CSRP1: variants seen among roughly 807,000 people sequenced by gnomAD.
The protein encoded by CSRP1 is cysteine and glycine rich protein 1, also known as cysteine and glycine-rich protein 1.
CSRP1 carries 16 observed loss-of-function variants against 25.4 expected under a neutral mutation model. That is an observed-to-expected ratio of 0.63 (90% CI 0.43 to 0.96). The LOEUF is 0.96. Among genes scored for constraint, CSRP1 ranks in the 40% least tolerant of loss-of-function variants. The pLI, the probability that CSRP1 is intolerant of heterozygous loss-of-function variation, is 0.00. For synonymous variants in CSRP1, 97 were observed against 95.3 expected (o/e 1.02, Z -0.10); for missense variants, 212 against 243.6 (o/e 0.87, Z 0.86).
intron 1 of CSRP1, 164 bp from the exon 2 acceptor site, chr1:201,496,468 C>T (rs1664518762): frequency 1.6e-6 from 1 of 639,692 alleles, no homozygotes; most frequent in South Asian, 1.8e-5. Flanking sequence ...TAGCTCTCGA[C>T]AGCAGCCTCG....
rs1193433653 is a variant in CSRP1, at chr1:201,483,995, A to T, written c.*718T>A. On this transcript the variant is annotated 3_prime_UTR_variant, in exon 6 of 6. Coordinates refer to ENST00000340006, the MANE Select transcript of CSRP1 (RefSeq NM_004078.3). ...TATATGTTTCAGGTATTTCATTAGGATCCTCCCATCAAGCAGGGAACTAGA... is the reference window on the plus strand; with the variant it reads ...TATATGTTTCAGGTATTTCATTAGGTTCCTCCCATCAAGCAGGGAACTAGA... 6 of 696,250 alleles carry T rather than the reference A, an allele frequency of 8.6e-6. No homozygotes were observed. The East Asian group carries it at 1.6e-4, about 19-fold the overall frequency. 43.1% of individuals were successfully genotyped at this position (696,250 alleles called of 1,614,324 possible). A position where few individuals can be genotyped will look rare whatever the true frequency, so the allele number is the denominator to read the frequency against.
intron 2 of CSRP1, 164 bp from the exon 3 acceptor site, chr1:201,490,508 GTGGGAGGACAGAGGGA>G (rs1664304624): frequency 1.6e-6 from 1 of 638,090 alleles, no homozygotes; most frequent in African/African-American, 1.8e-5. Context: ...TGGCCAATGG[GTGGGAGGACAGAGGGA>G]TGGGATCTGC....
chr1:201,500,376 C>T (rs1189847047), intron 1 of CSRP1, among the ~76,000 whole-genome samples: 1 of 152,248 alleles, frequency 6.6e-6, no homozygotes, highest in Non-Finnish European at 1.5e-5. Flanking sequence ...TCCCTGGCTC[C>T]GTGTCAGGGG....
intron 4 of CSRP1, chr1:201,487,249 C>T: frequency 4.8e-6 from 1 of 206,568 alleles, no homozygotes; most frequent in Non-Finnish European, 1.0e-5. Flanking sequence ...CCCATCTTCA[C>T]TAAAAATACA....
intron 2 of CSRP1, chr1:201,491,523 C>G (rs905173223): frequency 6.6e-6 from 1 of 152,130 alleles, no homozygotes; most frequent in Non-Finnish European, 1.5e-5. Context: ...GCATAATACC[C>G]TGCATACAAC....
intron 1 of CSRP1, chr1:201,506,863 G>C (rs1308471047): frequency 2.0e-5 from 3 of 152,420 alleles, no homozygotes; most frequent in Non-Finnish European, 4.4e-5. Flanking sequence ...CTGTGTCCAG[G>C]AAGCCCAGGA....
intron 2 of CSRP1, chr1:201,491,968 T>G (rs375426115): frequency 7.2e-5 from 11 of 152,258 alleles, no homozygotes; most frequent in African/African-American, 2.6e-4. Context: ...CTTGTCCTGC[T>G]CTGGAGATCT....
At chr1:201,497,122 G>A (rs1664538530) in intron 1 of CSRP1, among the ~76,000 whole-genome samples, 1 of 152,002 alleles carries the variant, frequency 6.6e-6, no homozygotes, top group African/African-American at 2.4e-5. Context: ...AGGCTGAGGC[G>A]GGCAGGCCAC....
chr1:201,498,281 T>C (rs1664568345), intron 1 of CSRP1, among the ~76,000 whole-genome samples: 1 of 152,162 alleles, frequency 6.6e-6, no homozygotes, highest in Non-Finnish European at 1.5e-5. Context: ...CTTCCAGCTC[T>C]TTCAACAGAA....
intron 1 of CSRP1, among the ~76,000 whole-genome samples, chr1:201,499,764 C>T (rs1263638513): frequency 1.3e-5 from 2 of 152,062 alleles, no homozygotes; most frequent in Non-Finnish European, 1.5e-5. Context: ...TATAGGCGCC[C>T]GCCACCACCA....
rs1454302284 is a variant in CSRP1 at position 201,484,790 on chromosome 1, C to A, written c.506-1G>T. ...GGCCCGAAGTTTTTAGCATAACATC[C>A]TGCAGAGAGAGGAGAGAGATAAGGG... On this transcript the variant is annotated splice_acceptor_variant, in intron 5 of 5. Coordinates refer to ENST00000340006, the MANE Select transcript of CSRP1 (RefSeq NM_004078.3). LOFTEE classifies it high-confidence loss of function. The A allele has an allele frequency of 1.9e-6, 3 of 1,610,964 alleles. No homozygotes were observed. The highest frequency in any genetic ancestry group is 2.5e-6 in the Non-Finnish European group (3 of 1,179,370).
rs1016034240 is a variant in CSRP1 at position 201,496,790 on chromosome 1, T to C, written c.-1-486A>G. Among the ~76,000 whole-genome samples the C allele has an allele frequency of 2.0e-5, 3 of 152,180 alleles. No individual in the cohort carries two copies. In the South Asian group the frequency reaches 6.2e-4, roughly 31 times the overall value. On this transcript the variant is annotated intron_variant, in intron 1 of 5. Transcript: ENST00000340006. Reference sequence around the variant, plus strand: ...ATGGACATATAGGTGGAAAAGTTACTACAGAAAAGCAAGGGAATGATGATC... The same window carrying C: ...ATGGACATATAGGTGGAAAAGTTACCACAGAAAAGCAAGGGAATGATGATC...
At chr1:201,494,640 G>A (rs764616661) in intron 2 of CSRP1, among the ~76,000 whole-genome samples, 6 of 152,218 alleles carry the variant, frequency 3.9e-5, no homozygotes, top group East Asian at 1.9e-4. Flanking sequence ...AGATGCAAAC[G>A]TCCATTGAAC....
intron 2 of CSRP1, chr1:201,490,587 T>A: frequency 2.1e-6 from 1 of 470,298 alleles, no homozygotes; most frequent in Non-Finnish European, 3.9e-6. Context: ...CAGGAATCCA[T>A]ATGTGTCTCC....
At chr1:201,492,241 G>A (rs1664360498) in intron 2 of CSRP1, 1 of 152,294 alleles carries the variant, frequency 6.6e-6, no homozygotes, top group Admixed American at 6.5e-5. Context: ...TCTCCAGTAG[G>A]AGACCCAGGA....
chr1:201,499,282 C>T (rs1016786207), intron 1 of CSRP1, among the ~76,000 whole-genome samples: 2 of 152,222 alleles, frequency 1.3e-5, no homozygotes, highest in East Asian at 1.9e-4. Context: ...TGCTACAAAA[C>T]CCCGATTTTA....
intron 3 of CSRP1, 165 bp downstream of exon 3, chr1:201,490,011 T>A: frequency 3.1e-6 from 2 of 644,690 alleles, no homozygotes; most frequent in Non-Finnish European, 5.1e-6. Flanking sequence ...CCCCAGCTCC[T>A]GCAGCAGCCT....
chr1:201,485,298 C>T lies in CSRP1; in HGVS notation c.490G>A (p.Glu164Lys), dbSNP rs1282786446. ...ESTTLADKDGEIYCKGCYAKN... is the reference protein window; with the variant it reads ...ESTTLADKDGKIYCKGCYAKN... The stretch of plus-strand genomic sequence containing the variant: ...AAACACCCACCTTTGCAGTAAATCT[C>T]GCCATCCTTGTCTGCCAGGGTGGTT... The change falls in exon 5 of 6, where the codon GAG (glutamate) becomes AAG (lysine). Residue 164 changes from glutamate (E) to lysine (K), a missense_variant. Coordinates refer to ENST00000340006, the MANE Select transcript of CSRP1 (RefSeq NM_004078.3). 15 of 1,614,048 alleles carry T rather than the reference C, an allele frequency of 9.3e-6. No homozygotes were observed. Among genetic ancestry groups the T allele is most frequent in the African/African-American group, 6.7e-5 (5 of 74,928 alleles).
chr1:201,504,336 ACTGT>A (rs1442803204), intron 1 of CSRP1, among the ~76,000 whole-genome samples: 7 of 152,340 alleles, frequency 4.6e-5, no homozygotes, highest in East Asian at 1.9e-4. Context: ...TATTTCTCAC[ACTGT>A]CTGGTACACT....
Sources: gnomAD v4.1 joint callset for allele counts (sites outside exome capture counted in the v4.1 genomes callset) on GRCh38, gnomAD v4.1.1 for gene constraint, MANE v1.5 for transcripts, NCBI Gene and HGNC (gene_info 2026-07-23, HGNC 2026-07-21) for gene names.